The following CCSER1 variants were observed in gnomAD, a reference collection of about 807,000 sequenced individuals.
CCSER1 encodes the protein coiled-coil serine rich protein 1.
In CCSER1, 41 loss-of-function variants were observed where a neutral mutation model predicts 82.0. The observed-to-expected ratio is 0.50, with a 90% CI of 0.39 to 0.65. CCSER1 has a LOEUF of 0.65. CCSER1 is among the 30% of genes least tolerant of loss of function. CCSER1 has a pLI of 0.00. For missense variants in CCSER1, 1,119 were observed against 1,064.2 expected, an observed-to-expected ratio of 1.05 and a Z score of -0.72; for synonymous variants, 414 against 383.9, an observed-to-expected ratio of 1.08 and a Z score of -0.92.
chr4:90,755,687 G>C (rs1038777035), intron 7 of CCSER1, among the ~76,000 whole-genome samples: 4 of 152,158 alleles, frequency 2.6e-5, no homozygotes, highest in African/African-American at 9.7e-5. Flanking sequence ...ATTTGAAAGA[G>C]AAGTATTATC....
intron 1 of CCSER1, among the ~76,000 whole-genome samples, chr4:90,242,404 C>T (rs1338899938): frequency 6.6e-6 from 1 of 152,106 alleles, no homozygotes; most frequent in Non-Finnish European, 1.5e-5. Flanking sequence ...AAATCTGTAG[C>T]TTTTAAACTG....
intron 10 of CCSER1, among the ~76,000 whole-genome samples, chr4:91,593,294 T>C (rs919149694): frequency 5.3e-5 from 8 of 152,106 alleles, no homozygotes; most frequent in Non-Finnish European, 1.2e-4. Context: ...TTTAATTGAG[T>C]TATATGCAAT....
At chr4:90,892,016 T>G (rs1723030890) in intron 8 of CCSER1, among the ~76,000 whole-genome samples, 3 of 152,096 alleles carry the variant, frequency 2.0e-5, no homozygotes, top group African/African-American at 7.2e-5. Flanking sequence ...CTTCCCCACC[T>G]TCTTCATTTT....
chr4:90,703,606 C>CT, intron 6 of CCSER1, among the ~76,000 whole-genome samples: 1 of 152,114 alleles, frequency 6.6e-6, no homozygotes, highest in East Asian at 1.9e-4. Flanking sequence ...GTGTGGGAGT[C>CT]TAAGTCTCTT....
At chr4:90,457,753 C>G (rs556001126) in intron 4 of CCSER1, among the ~76,000 whole-genome samples, 14 of 152,258 alleles carry the variant, frequency 9.2e-5, no homozygotes, top group Non-Finnish European at 8.8e-5. Context: ...TCACTCTGCT[C>G]CAAGCAACTG....
chr4:90,511,366 C>T lies in CCSER1; in HGVS notation c.1724+43012C>T, dbSNP rs534159662. Among the ~76,000 whole-genome samples, 17 of 152,152 alleles carry T rather than the reference C, an allele frequency of 1.1e-4. No individual in the cohort carries two copies. In the South Asian group the frequency reaches 2.3e-3, roughly 20 times the overall value. On this transcript the variant is annotated intron_variant, in intron 5 of 10. Transcript: ENST00000509176. Reference sequence around the variant, plus strand: ...CCGGGAGGTGGAGGTTGCGGTGAGCCGAGATTGCACCACTGCACTCCAACC... The same window carrying T: ...CCGGGAGGTGGAGGTTGCGGTGAGCTGAGATTGCACCACTGCACTCCAACC...
intron 7 of CCSER1, among the ~76,000 whole-genome samples, chr4:90,788,542 G>C (rs1459909663): frequency 3.3e-5 from 5 of 152,094 alleles, no homozygotes. Flanking sequence ...TTCACATGGT[G>C]GTTCCCTGTA....
At chr4:90,367,659 A>G (rs1746507603) in intron 3 of CCSER1, among the ~76,000 whole-genome samples, 1 of 152,008 alleles carries the variant, frequency 6.6e-6, no homozygotes. Flanking sequence ...TGAAACAGAA[A>G]GACCTTTGCA....
chr4:90,527,962 T>C (rs1458804120), intron 5 of CCSER1, among the ~76,000 whole-genome samples: 1 of 152,142 alleles, frequency 6.6e-6, no homozygotes, highest in East Asian at 1.9e-4. Flanking sequence ...GCTGACAGCA[T>C]AGGGGAAATT....
At chr4:90,478,252 T>G (rs1765373372) in intron 5 of CCSER1, among the ~76,000 whole-genome samples, 1 of 152,214 alleles carries the variant, frequency 6.6e-6, no homozygotes. Flanking sequence ...AAAGTACTTG[T>G]AGACAGATTG....
intron 10 of CCSER1, among the ~76,000 whole-genome samples, chr4:91,208,953 G>A (rs560332865): frequency 1.3e-4 from 19 of 151,710 alleles, no homozygotes; most frequent in Admixed American, 7.9e-4. Context: ...GTATTCCTAG[G>A]TATTTTATTC....
Position 91,190,982 on chromosome 4 carries a change from G to T in CCSER1, c.2217+104988G>T, listed in dbSNP as rs187291919. On this transcript the variant is annotated intron_variant, in intron 10 of 10. Transcript: ENST00000509176. ...CCTGGTTGTTATCAGGATTAAATGA[G>T]TTAATCAGAATAATGTCTGAAACAT... 3.5e-4 allele frequency among the ~76,000 whole-genome samples: 53 copies of T among 152,242 alleles called. No individual in the cohort carries two copies. The East Asian group carries it at 9.8e-3, about 28-fold the overall frequency.
intron 6 of CCSER1, among the ~76,000 whole-genome samples, chr4:90,717,414 G>T (rs926620692): frequency 6.6e-6 from 1 of 152,116 alleles, no homozygotes; most frequent in Non-Finnish European, 1.5e-5. Flanking sequence ...AGATGTGACC[G>T]GAATGGAAAA....
chr4:90,223,909 A>G (rs996994112), intron 1 of CCSER1, among the ~76,000 whole-genome samples: 11 of 152,200 alleles, frequency 7.2e-5, no homozygotes, highest in Non-Finnish European at 1.3e-4. Context: ...TTAGACCTTT[A>G]TGACTTCAAG....
intron 7 of CCSER1, among the ~76,000 whole-genome samples, chr4:90,751,741 A>G (rs542849814): frequency 5.3e-5 from 8 of 152,216 alleles, no homozygotes; most frequent in Admixed American, 4.6e-4. Flanking sequence ...TTATTATCAT[A>G]GAATTCATTT....
chr4:91,512,098 CT>C (rs1328258554), intron 10 of CCSER1, among the ~76,000 whole-genome samples: 1 of 151,998 alleles, frequency 6.6e-6, no homozygotes, highest in Admixed American at 6.6e-5. Flanking sequence ...TGTAGTTCTC[CT>C]TGTAGAGATC....
intron 6 of CCSER1, among the ~76,000 whole-genome samples, chr4:90,686,886 G>A (rs1734899942): frequency 6.6e-6 from 1 of 152,004 alleles, no homozygotes; most frequent in Non-Finnish European, 1.5e-5. Flanking sequence ...TGACATATTC[G>A]GCATCAGGAT....
chr4:90,292,387 G>T (rs1372779653), intron 1 of CCSER1, among the ~76,000 whole-genome samples: 1 of 151,866 alleles, frequency 6.6e-6, no homozygotes, highest in Admixed American at 6.6e-5. Flanking sequence ...AATCAGAGGG[G>T]CTCACATAAT....
intron 10 of CCSER1, among the ~76,000 whole-genome samples, chr4:91,294,034 C>T (rs1030324074): frequency 2.6e-5 from 4 of 151,578 alleles, no homozygotes; most frequent in African/African-American, 4.8e-5. Context: ...ATGTTGAGGT[C>T]GCTCATTTAT....
Sources: allele counts gnomAD v4.1 joint callset (sites outside exome capture counted in the v4.1 genomes callset), GRCh38; gene constraint gnomAD v4.1.1; transcripts MANE v1.5; gene names NCBI Gene and HGNC (gene_info 2026-07-23, HGNC 2026-07-21).